RABGEF1: variants seen among roughly 807,000 people sequenced by gnomAD.
RABGEF1 encodes the protein rab5 GDP/GTP exchange factor.
RABGEF1 carries 26 observed loss-of-function variants against 57.3 expected under a neutral mutation model. The observed-to-expected ratio is 0.45, with a 90% CI of 0.33 to 0.63. RABGEF1 has a LOEUF of 0.63. RABGEF1 is among the 20% of genes least tolerant of loss of function. The probability of loss-of-function intolerance (pLI) is 0.02; values close to 1 mark genes in which losing one functional copy is unlikely to be tolerated. For synonymous variants in RABGEF1, 185 were observed against 210.7 expected (o/e 0.88, Z 1.06); for missense variants, 464 against 607.6 (o/e 0.76, Z 2.48).
At chr7:66,659,404 A>G in the RABGEF1 span, among the ~76,000 whole-genome samples, 1 of 151,440 alleles carries the variant, frequency 6.6e-6, no homozygotes, top group Non-Finnish European at 1.5e-5. Context: ...GTGAGCCGAC[A>G]TTGCGCCACT....
exon 1 of RABGEF1, chr7:66,682,192 G>T: frequency 6.0e-6 from 1 of 167,598 alleles, no homozygotes; most frequent in Non-Finnish European, 1.5e-5. Flanking sequence ...GTGGGCGAGC[G>T]GTGACCTGGA....
In RABGEF1 at chr7:66,808,882, G is replaced by A; in HGVS notation, c.1078-4G>A. On this transcript the variant is annotated splice_region_variant and splice_polypyrimidine_tract_variant and intron_variant, in intron 8 of 8. Coordinates refer to ENST00000284957, the MANE Select transcript of RABGEF1 (RefSeq NM_014504.3). ...ATGACTGTATTAACGTCCTCTTCTT[G>A]TAGTGCTGTGCTGTGGCTTTCATTG... 1.3e-6 allele frequency: 2 copies of A among 1,567,950 alleles called. No homozygotes were observed. The highest frequency in any genetic ancestry group is 1.7e-6 in the Non-Finnish European group (2 of 1,146,674).
intron 1 of RABGEF1, among the ~76,000 whole-genome samples, chr7:66,708,640 C>A (rs978450882): frequency 4.6e-5 from 7 of 152,006 alleles, no homozygotes; most frequent in African/African-American, 1.7e-4. Flanking sequence ...TCCATCTCTA[C>A]AAAAATAAAA....
intron 1 of RABGEF1, among the ~76,000 whole-genome samples, chr7:66,753,201 A>G (rs542845843): frequency 1.1e-4 from 17 of 152,304 alleles, no homozygotes; most frequent in Non-Finnish European, 2.2e-4. Flanking sequence ...TGGGTTCATA[A>G]ATAGGATGAC....
rs551741957 is a variant in RABGEF1, at chr7:66,777,845, A to G, written c.346+2452A>G. On this transcript the variant is annotated intron_variant, in intron 3 of 8. Transcript: ENST00000284957. ...TCCAGGTGAATTTTGTTTTAAAAAT[A>G]TGTATGCAGAATGATTTTTACCTTT... is the stretch of plus-strand genomic sequence containing the variant. Among the ~76,000 whole-genome samples, 70 of 152,330 alleles carry G rather than the reference A, an allele frequency of 4.6e-4. No individual in the cohort carries two copies. The South Asian group carries it at 0.014, about 30-fold the overall frequency.
the RABGEF1 span, among the ~76,000 whole-genome samples, chr7:66,672,724 C>T: frequency 6.6e-6 from 1 of 152,090 alleles, no homozygotes; most frequent in African/African-American, 2.4e-5. Flanking sequence ...TCTCCAACCA[C>T]TACATCTCTG....
chr7:66,710,632 C>G (rs1794660068), intron 1 of RABGEF1, among the ~76,000 whole-genome samples: 2 of 152,120 alleles, frequency 1.3e-5, no homozygotes, highest in Admixed American at 6.6e-5. Flanking sequence ...CACTAATGAC[C>G]AATGATATAA....
chr7:66,724,024 T>G (rs1796330252), intron 2 of RABGEF1, among the ~76,000 whole-genome samples: 1 of 152,220 alleles, frequency 6.6e-6, no homozygotes, highest in African/African-American at 2.4e-5. Flanking sequence ...TTTTATAAAT[T>G]TTTGTGTTGC....
intron 1 of RABGEF1, among the ~76,000 whole-genome samples, chr7:66,758,699 T>G (rs1803412940): frequency 6.6e-6 from 1 of 151,608 alleles, no homozygotes; most frequent in Admixed American, 6.6e-5. Flanking sequence ...TCTCCTGCCT[T>G]CTACCGTAAC....
intron 2 of RABGEF1, among the ~76,000 whole-genome samples, chr7:66,732,916 C>T (rs929265542): frequency 6.6e-6 from 1 of 152,216 alleles, no homozygotes; most frequent in Non-Finnish European, 1.5e-5. Context: ...CCCAGGCTCG[C>T]CCTGCTTCTC....
At chr7:66,696,040 C>T (rs758043811) in intron 1 of RABGEF1, among the ~76,000 whole-genome samples, 1 of 151,584 alleles carries the variant, frequency 6.6e-6, no homozygotes, top group Non-Finnish European at 1.5e-5. Context: ...TGGGGCTGGA[C>T]GTGGGCCTTA....
chr7:66,777,654 T>C (rs1281458532), intron 3 of RABGEF1, among the ~76,000 whole-genome samples: 1 of 152,150 alleles, frequency 6.6e-6, no homozygotes, highest in Non-Finnish European at 1.5e-5. Context: ...CTGGGTGCAG[T>C]GGCTTCTACC....
chr7:66,804,151 G>A (rs1334051623), intron 7 of RABGEF1, among the ~76,000 whole-genome samples: 1 of 150,244 alleles, frequency 6.7e-6, no homozygotes, highest in African/African-American at 2.5e-5. Context: ...TGGTATGATC[G>A]TAGCTCACTG....
intron 1 of RABGEF1, among the ~76,000 whole-genome samples, chr7:66,741,397 A>T (rs1388050298): frequency 6.6e-6 from 1 of 152,242 alleles, no homozygotes; most frequent in African/African-American, 2.4e-5. Context: ...GGTTAGGAGC[A>T]GAAGTCCCTG....
intron 1 of RABGEF1, among the ~76,000 whole-genome samples, chr7:66,767,627 T>C (rs1806070235): frequency 1.3e-5 from 2 of 152,162 alleles, no homozygotes; most frequent in South Asian, 4.1e-4. Context: ...GGGAGGTGAT[T>C]AGTTCATGAA....
intron 2 of RABGEF1, among the ~76,000 whole-genome samples, chr7:66,724,097 C>T (rs1271700193): frequency 4.0e-5 from 6 of 150,588 alleles, no homozygotes; most frequent in Admixed American, 2.0e-4. Flanking sequence ...TTTTTGTCTT[C>T]GTTTGAGAGA....
intron 2 of RABGEF1, chr7:66,773,871 G>A (rs111517906): frequency 7.2e-6 from 3 of 415,728 alleles, no homozygotes; most frequent in Non-Finnish European, 1.4e-5. Context: ...TCACCATGTT[G>A]CCCAGGCTGG....
chr7:66,783,396 G>A (rs1030194442), intron 3 of RABGEF1, among the ~76,000 whole-genome samples: 12 of 152,268 alleles, frequency 7.9e-5, no homozygotes, highest in African/African-American at 1.4e-4. Context: ...AGATCAAAGT[G>A]TGATAGATTT....
chr7:66,763,455 CCAT>C (rs1001727343), intron 1 of RABGEF1, among the ~76,000 whole-genome samples: 47 of 152,338 alleles, frequency 3.1e-4, no homozygotes, highest in Non-Finnish European at 6.0e-4. Flanking sequence ...AGCTTCAAAA[CCAT>C]CAATAGTGCT....
Sources: allele counts gnomAD v4.1 joint callset (sites outside exome capture counted in the v4.1 genomes callset), GRCh38; gene constraint gnomAD v4.1.1; transcripts MANE v1.5; gene names NCBI Gene and HGNC (gene_info 2026-07-23, HGNC 2026-07-21).